PRKG1: variants seen among roughly 807,000 people sequenced by gnomAD.
The protein encoded by PRKG1 is cGMP-dependent protein kinase 1.
In PRKG1, 35 loss-of-function variants were observed where a neutral mutation model predicts 88.1. That is an observed-to-expected ratio of 0.40 (90% CI 0.30 to 0.53). The LOEUF (loss-of-function observed/expected upper bound fraction) is 0.53. Among genes scored for constraint, PRKG1 ranks in the 20% least tolerant of loss-of-function variants. PRKG1 has a pLI of 0.59. For missense variants in PRKG1, 540 were observed against 839.8 expected (o/e 0.64, Z 4.41); for synonymous variants, 303 against 292.5 (o/e 1.04, Z -0.37).
intron 5 of PRKG1, among the ~76,000 whole-genome samples, chr10:52,036,133 T>G (rs1424228238): frequency 6.6e-6 from 1 of 152,006 alleles, no homozygotes; most frequent in Non-Finnish European, 1.5e-5. Context: ...CTGTGAAGCT[T>G]TGCGGCAGTA....
intron 3 of PRKG1, among the ~76,000 whole-genome samples, chr10:51,537,902 A>G (rs1842198015): frequency 1.3e-5 from 2 of 152,280 alleles, no homozygotes; most frequent in East Asian, 3.9e-4. Flanking sequence ...ACTGATTTAT[A>G]TGAAAGCTCC....
intron 2 of PRKG1, among the ~76,000 whole-genome samples, chr10:51,441,103 C>A (rs759681097): frequency 2.6e-5 from 4 of 152,052 alleles, no homozygotes; most frequent in African/African-American, 9.6e-5. Flanking sequence ...CTCTCAACCT[C>A]TGTAAGTGCA....
intron 2 of PRKG1, among the ~76,000 whole-genome samples, chr10:51,185,050 T>C (rs74133512): frequency 0.053 from 8,082 of 152,260 alleles, 404 homozygotes; most frequent in African/African-American, 0.13. Flanking sequence ...AATTGTGACA[T>C]CTCACATCAT....
At chr10:52,290,441 A>C in intron 17 of PRKG1, 151 bp downstream of exon 17, 1 of 675,692 alleles carries the variant, frequency 1.5e-6, no homozygotes, top group Non-Finnish European at 2.3e-6. Flanking sequence ...CATATTCTAA[A>C]ATCCAAACTT....
chr10:51,975,482 G>A (rs557664186), intron 5 of PRKG1, among the ~76,000 whole-genome samples: 76 of 152,190 alleles, frequency 5.0e-4, no homozygotes, highest in African/African-American at 1.8e-3. Flanking sequence ...CATGCTGGTT[G>A]TAAACATTCC....
In PRKG1 at chr10:51,810,912, G is replaced by T. The variant is rs952937896; in HGVS notation, c.698+6222G>T. On this transcript the variant is annotated intron_variant, in intron 4 of 17. Transcript: ENST00000373980. ...TTCTGCCTCACCTGTCACTGGATGG[G>T]ATCTACATAATGATGCATCATCACC... is the stretch of plus-strand genomic sequence containing the variant. Among the ~76,000 whole-genome samples the T allele has an allele frequency of 5.3e-5, 8 of 152,172 alleles. No homozygotes were observed. In the East Asian group the frequency reaches 1.4e-3, roughly 26 times the overall value.
chr10:51,605,870 A>T (rs576617182), intron 3 of PRKG1, among the ~76,000 whole-genome samples: 1 of 152,160 alleles, frequency 6.6e-6, no homozygotes, highest in Non-Finnish European at 1.5e-5. Flanking sequence ...TTTACTTGCC[A>T]GTTTTTTATC....
At chr10:51,421,978 C>T (rs899152194) in intron 2 of PRKG1, among the ~76,000 whole-genome samples, 11 of 152,114 alleles carry the variant, frequency 7.2e-5, no homozygotes, top group East Asian at 3.9e-4. Flanking sequence ...TTTGAAGATG[C>T]GAAGACAGCA....
intron 2 of PRKG1, among the ~76,000 whole-genome samples, chr10:51,430,104 G>T (rs1426574856): frequency 6.8e-6 from 1 of 146,336 alleles, no homozygotes; most frequent in African/African-American, 2.6e-5. Context: ...AACTAGCCAT[G>T]AGAATGGCTA....
chr10:51,605,040 G>T (rs1381187338), intron 3 of PRKG1, among the ~76,000 whole-genome samples: 4 of 152,222 alleles, frequency 2.6e-5, no homozygotes, highest in Non-Finnish European at 1.5e-5. Flanking sequence ...TTGGGAGCCA[G>T]AAGAGGGGAT....
chr10:51,560,450 C>T (rs966254219), intron 3 of PRKG1, among the ~76,000 whole-genome samples: 1 of 152,104 alleles, frequency 6.6e-6, no homozygotes, highest in Non-Finnish European at 1.5e-5. Context: ...GACCTTCCCT[C>T]TTGCAACTTA....
chr10:51,584,175 C>G (rs7085941), intron 3 of PRKG1, among the ~76,000 whole-genome samples: 11,203 of 152,004 alleles, frequency 0.074, 1,381 homozygotes, highest in African/African-American at 0.25. Context: ...CAGGGTAACT[C>G]ACTGTAATGG....
chr10:52,130,539 C>G (rs984773900), intron 7 of PRKG1, among the ~76,000 whole-genome samples: 1 of 152,062 alleles, frequency 6.6e-6, no homozygotes, highest in African/African-American at 2.4e-5. Flanking sequence ...TCTTAATAGT[C>G]AAATGGAAAT....
intron 9 of PRKG1, among the ~76,000 whole-genome samples, chr10:52,166,821 A>ATATATGTCTATATATATATC (rs1838471998): frequency 1.2e-3 from 3 of 2,428 alleles, no homozygotes; most frequent in Admixed American, 7.6e-3. Flanking sequence ...ATATATATGT[A>ATATATGTCTATATATATATC]TATATATGTA....
At chr10:51,744,155 A>T (rs1481611292) in intron 3 of PRKG1, among the ~76,000 whole-genome samples, 1 of 152,086 alleles carries the variant, frequency 6.6e-6, no homozygotes, top group African/African-American at 2.4e-5. Flanking sequence ...ACATTTATTG[A>T]TCTTTTACTA....
At chr10:51,865,164 G>A (rs1384844830) in intron 4 of PRKG1, among the ~76,000 whole-genome samples, 1 of 152,044 alleles carries the variant, frequency 6.6e-6, no homozygotes. Context: ...CATTAAAGAT[G>A]CGTATAGTGA....
At chr10:51,329,297 C>T (rs78555798) in intron 2 of PRKG1, among the ~76,000 whole-genome samples, 5,147 of 152,078 alleles carry the variant, frequency 0.034, 130 homozygotes, top group South Asian at 0.075. Context: ...ATTCAGTTTC[C>T]CCTGCACCAT....
At chr10:51,409,879 G>T (rs749380295) in intron 2 of PRKG1, among the ~76,000 whole-genome samples, 4 of 137,984 alleles carry the variant, frequency 2.9e-5, no homozygotes, top group Non-Finnish European at 4.7e-5. Flanking sequence ...AAGGAGAGTA[G>T]TTATCTGCAG....
At chr10:51,324,867 A>C (rs1279005418) in intron 2 of PRKG1, among the ~76,000 whole-genome samples, 1 of 152,228 alleles carries the variant, frequency 6.6e-6, no homozygotes, top group Non-Finnish European at 1.5e-5. Flanking sequence ...GGGAGTGCAG[A>C]TATCACGTTC....
Sources: gnomAD v4.1 joint callset for allele counts (sites outside exome capture counted in the v4.1 genomes callset) on GRCh38, gnomAD v4.1.1 for gene constraint, MANE v1.5 for transcripts, NCBI Gene and HGNC (gene_info 2026-07-23, HGNC 2026-07-21) for gene names.